Variants in PSD3 observed in about 807,000 individuals in gnomAD.
PSD3 encodes the protein pleckstrin and Sec7 domain containing 3.
In PSD3, 49 loss-of-function variants were observed where a neutral mutation model predicts 105.5. That is an observed-to-expected ratio of 0.46 (90% CI 0.37 to 0.59). PSD3 has a LOEUF of 0.59. Ranked by LOEUF, PSD3 falls within the 20% of genes least tolerant of loss-of-function variation. PSD3 has a pLI of 0.00. For synonymous variants in PSD3, 557 were observed against 457.8 expected, an observed-to-expected ratio of 1.22 and a Z score of -2.77; for missense variants, 1,561 against 1,263.8, an observed-to-expected ratio of 1.24 and a Z score of -3.57.
At chr8:19,019,671 C>T (rs143968082) in intron 1 of PSD3, among the ~76,000 whole-genome samples, 1 of 152,182 alleles carries the variant, frequency 6.6e-6, no homozygotes, top group Non-Finnish European at 1.5e-5. Flanking sequence ...AAATTTGCCA[C>T]TACCCAATGC....
At chr8:18,853,511 C>G (rs893890767) in intron 4 of PSD3, among the ~76,000 whole-genome samples, 2 of 151,998 alleles carry the variant, frequency 1.3e-5, no homozygotes, top group Non-Finnish European at 2.9e-5. Flanking sequence ...AGAAAGAAAC[C>G]GTGAGGCTGA....
intron 1 of PSD3, among the ~76,000 whole-genome samples, chr8:19,028,285 C>CCG (rs1554571601): frequency 8.8e-6 from 1 of 113,122 alleles, no homozygotes; most frequent in East Asian, 3.2e-4. Flanking sequence ...ACCACCCCCC[C>CCG]CCCCCGGCCC....
intron 9 of PSD3, among the ~76,000 whole-genome samples, chr8:18,677,017 C>T (rs753712386): frequency 7.2e-5 from 11 of 152,176 alleles, no homozygotes; most frequent in Non-Finnish European, 1.5e-4. Context: ...AAACAGTGAT[C>T]GTAAAGATCT....
At chr8:18,691,142 GA>G (rs768950394) in intron 9 of PSD3, among the ~76,000 whole-genome samples, 4 of 152,106 alleles carry the variant, frequency 2.6e-5, no homozygotes, top group Non-Finnish European at 4.4e-5. Context: ...AGGATGGGGG[GA>G]AAAATCTTTA....
intron 10 of PSD3, among the ~76,000 whole-genome samples, chr8:18,634,289 G>C (rs1394682303): frequency 6.6e-6 from 1 of 151,866 alleles, no homozygotes; most frequent in African/African-American, 2.4e-5. Flanking sequence ...TATTTTATCA[G>C]TAATTGTGAG....
intron 1 of PSD3, among the ~76,000 whole-genome samples, chr8:18,992,119 C>A (rs558719741): frequency 6.4e-4 from 98 of 152,194 alleles, no homozygotes; most frequent in African/African-American, 2.3e-3. Flanking sequence ...CAGGTTTATA[C>A]CCTGTTTTTA....
At chr8:18,676,828 C>A (rs1800090991) in intron 9 of PSD3, among the ~76,000 whole-genome samples, 1 of 152,220 alleles carries the variant, frequency 6.6e-6, no homozygotes, top group African/African-American at 2.4e-5. Flanking sequence ...GGACCCTGTG[C>A]CTCACCTCCA....
At chr8:18,933,626 G>A (rs371740904) in intron 2 of PSD3, among the ~76,000 whole-genome samples, 3 of 152,028 alleles carry the variant, frequency 2.0e-5, no homozygotes, top group African/African-American at 7.2e-5. Flanking sequence ...TGTCACCATG[G>A]CCAGCTAATT....
intron 1 of PSD3, among the ~76,000 whole-genome samples, chr8:19,010,497 T>C (rs1024097514): frequency 6.6e-6 from 1 of 152,252 alleles, no homozygotes; most frequent in African/African-American, 2.4e-5. Context: ...CATTTGGTAA[T>C]TTGGATTTAA....
chr8:18,701,072 C>A (rs1004530759), intron 9 of PSD3, among the ~76,000 whole-genome samples: 3 of 151,964 alleles, frequency 2.0e-5, no homozygotes, highest in African/African-American at 7.3e-5. Flanking sequence ...CTTAAGCAAT[C>A]CTCTCACCCC....
intron 6 of PSD3, among the ~76,000 whole-genome samples, chr8:18,801,782 C>T (rs1044296384): frequency 5.3e-5 from 8 of 151,778 alleles, no homozygotes; most frequent in African/African-American, 1.5e-4. Flanking sequence ...AAGCTGAGGT[C>T]GCGCCACTAC....
In PSD3 at chr8:18,624,912, T is replaced by C. The variant is rs75628207; in HGVS notation, c.2410+7701A>G. ...ATGTATGTATATACGTATGCCTGTT[T>C]ATATGTAGAGATGATGTCTTGCTAT... On this transcript the variant is annotated intron_variant, in intron 11 of 15. Transcript: ENST00000327040. Among the ~76,000 whole-genome samples the C allele has an allele frequency of 2.2e-3, 334 of 152,184 alleles. 2 individuals carry two copies. Among genetic ancestry groups the C allele is most frequent in the African/African-American group, 7.7e-3 (321 of 41,518 alleles).
chr8:18,984,192 AAAT>A (rs59486224), intron 1 of PSD3, among the ~76,000 whole-genome samples: 9,397 of 146,356 alleles, frequency 0.064, 396 homozygotes, highest in African/African-American at 0.12. Context: ...CCTTCAATTA[AAAT>A]AATAATAATA....
At chr8:19,014,619 T>G (rs542772709), upstream of PSD3, among the ~76,000 whole-genome samples, 2 of 152,324 alleles carry the variant, frequency 1.3e-5, no homozygotes, top group African/African-American at 4.8e-5. The surrounding 1 kb of genome is among the most constrained non-coding windows in gnomAD (Gnocchi z 4.9). Flanking sequence ...AGGGTGGTCC[T>G]GTGTATGTGT....
chr8:18,855,007 G>C (rs1586233337), intron 4 of PSD3, among the ~76,000 whole-genome samples: 1 of 152,282 alleles, frequency 6.6e-6, no homozygotes, highest in East Asian at 1.9e-4. Context: ...CAGGAGTTGA[G>C]ATCCACTGGA....
chr8:18,548,113 A>T (rs1354117852), intron 15 of PSD3, among the ~76,000 whole-genome samples: 1 of 152,134 alleles, frequency 6.6e-6, no homozygotes, highest in African/African-American at 2.4e-5. Flanking sequence ...TTGCATTTTT[A>T]AAATGTCATT....
chr8:18,556,469 A>T, intron 14 of PSD3, 117 bp from the exon 15 acceptor site: 2 of 993,940 alleles, frequency 2.0e-6, no homozygotes, highest in South Asian at 1.6e-5. Context: ...AAACAGCCCA[A>T]TGTGCCTCTG....
At chr8:18,720,756 T>C (rs1802917883) in intron 9 of PSD3, 1 of 152,168 alleles carries the variant, frequency 6.6e-6, no homozygotes, top group Non-Finnish European at 1.5e-5. Context: ...ATGCATTTGC[T>C]CAGTGCGTTT....
intron 12 of PSD3, among the ~76,000 whole-genome samples, chr8:18,581,075 T>C (rs7843091): frequency 0.021 from 3,226 of 152,204 alleles, 124 homozygotes; most frequent in African/African-American, 0.074. Context: ...CTCTGAAGCT[T>C]TGTGATAGCA....
Sources: gnomAD v4.1 joint callset for allele counts (sites outside exome capture counted in the v4.1 genomes callset) on GRCh38, gnomAD v4.1.1 for gene constraint, Gnocchi (gnomAD v3.1) non-coding constraint, MANE v1.5 for transcripts, NCBI Gene and HGNC (gene_info 2026-07-23, HGNC 2026-07-21) for gene names.